LAMA2: variants seen among roughly 807,000 people sequenced by gnomAD.
LAMA2 encodes the protein laminin subunit alpha-2.
LAMA2 carries 269 observed loss-of-function variants against 364.8 expected under a neutral mutation model. The observed-to-expected ratio is 0.74, with a 90% CI of 0.67 to 0.82. The LOEUF (loss-of-function observed/expected upper bound fraction) is 0.82, where lower values mean the gene tolerates loss of function less well. Ranked by LOEUF, LAMA2 falls within the 40% of genes least tolerant of loss-of-function variation. The pLI, the probability that LAMA2 is intolerant of heterozygous loss-of-function variation, is 0.00. For synonymous variants in LAMA2, 1,379 were observed against 1,370.6 expected (o/e 1.01, Z -0.14); for missense variants, 3,807 against 3,873.2 (o/e 0.98, Z 0.45).
intron 35 of LAMA2, among the ~76,000 whole-genome samples, chr6:129,384,474 A>G (rs975597294): frequency 1.3e-5 from 2 of 152,174 alleles, no homozygotes; most frequent in African/African-American, 4.8e-5. Flanking sequence ...TCAATCAAAC[A>G]CTGGTATGAG....
intron 1 of LAMA2, among the ~76,000 whole-genome samples, chr6:128,951,914 C>T (rs1384110681): frequency 6.6e-6 from 1 of 152,204 alleles, no homozygotes; most frequent in African/African-American, 2.4e-5. Context: ...GTGGTAATCA[C>T]AGCACTTTGG....
intron 32 of LAMA2, among the ~76,000 whole-genome samples, chr6:129,360,867 G>T (rs913130348): frequency 1.3e-5 from 2 of 152,052 alleles, no homozygotes; most frequent in Non-Finnish European, 2.9e-5. Context: ...CTCTAGTTCT[G>T]CATTCTGGTC....
chr6:129,364,987 T>A (rs1777679639), intron 32 of LAMA2, among the ~76,000 whole-genome samples: 1 of 152,134 alleles, frequency 6.6e-6, no homozygotes, highest in Non-Finnish European at 1.5e-5. Flanking sequence ...AACTCTGTCA[T>A]GAGAACATCA....
At chr6:129,221,450 A>C (rs374731666) in intron 12 of LAMA2, among the ~76,000 whole-genome samples, 162 of 152,026 alleles carry the variant, frequency 1.1e-3, no homozygotes, top group African/African-American at 3.6e-3. Flanking sequence ...AGAAACAGAG[A>C]AACATATACA....
At chr6:128,961,354 T>TATATATATTATATATATATATATATA (rs1562873130) in intron 1 of LAMA2, among the ~76,000 whole-genome samples, 26 of 77,606 alleles carry the variant, frequency 3.4e-4, no homozygotes, top group African/African-American at 1.1e-3. Context: ...TATATATATA[T>TATATATATTATATATATATATATATA]ATATATATAT....
At chr6:129,428,690 C>T (rs1017680646) in intron 41 of LAMA2, among the ~76,000 whole-genome samples, 5 of 152,138 alleles carry the variant, frequency 3.3e-5, no homozygotes, top group Non-Finnish European at 7.4e-5. Context: ...AGTGATCCTC[C>T]CGCCTCGGCC....
chr6:129,440,021 C>T (rs549608447), intron 42 of LAMA2, among the ~76,000 whole-genome samples: 2 of 152,116 alleles, frequency 1.3e-5, no homozygotes, highest in South Asian at 2.1e-4. Flanking sequence ...TAACACTTAA[C>T]ATCAGTTAAG....
intron 1 of LAMA2, among the ~76,000 whole-genome samples, chr6:128,903,342 A>T (rs1453993474): frequency 2.0e-5 from 3 of 152,186 alleles, no homozygotes; most frequent in Non-Finnish European, 1.5e-5. Context: ...GTAGAATTAC[A>T]GATCTTAGTG....
chr6:129,033,361 G>C (rs1390121766), intron 1 of LAMA2, among the ~76,000 whole-genome samples: 1 of 152,130 alleles, frequency 6.6e-6, no homozygotes, highest in Non-Finnish European at 1.5e-5. Context: ...TTGTCAAGCT[G>C]TCCTTAAGGA....
chr6:128,993,527 C>T (rs1353108920), intron 1 of LAMA2, among the ~76,000 whole-genome samples: 1 of 152,148 alleles, frequency 6.6e-6, no homozygotes, highest in Non-Finnish European at 1.5e-5. Context: ...TCAGTATATA[C>T]ATGAAAGACA....
intron 4 of LAMA2, among the ~76,000 whole-genome samples, chr6:129,124,293 G>C (rs1057450081): frequency 6.6e-6 from 1 of 152,210 alleles, no homozygotes; most frequent in African/African-American, 2.4e-5. Flanking sequence ...TGTTTGTAAA[G>C]TGAACAGCCT....
chr6:129,356,744 T>C (rs995955077), intron 32 of LAMA2, among the ~76,000 whole-genome samples: 2 of 152,068 alleles, frequency 1.3e-5, no homozygotes, highest in African/African-American at 2.4e-5. Flanking sequence ...AAAATAAATA[T>C]AAAACGAGCT....
intron 4 of LAMA2, among the ~76,000 whole-genome samples, chr6:129,122,093 A>G (rs567945710): frequency 9.1e-4 from 138 of 152,360 alleles, no homozygotes; most frequent in Admixed American, 2.1e-3. Flanking sequence ...CAAGTTTTTT[A>G]AACTGATTTA....
At chr6:128,892,477 CTTCT>C (rs1439525869) in intron 1 of LAMA2, among the ~76,000 whole-genome samples, 1 of 151,832 alleles carries the variant, frequency 6.6e-6, no homozygotes, top group Non-Finnish European at 1.5e-5. Flanking sequence ...TTTTTAAAAA[CTTCT>C]TTAATACTTA....
chr6:129,253,844 G>C (rs1786437054), intron 14 of LAMA2, among the ~76,000 whole-genome samples: 1 of 152,160 alleles, frequency 6.6e-6, no homozygotes, highest in Admixed American at 6.5e-5. Flanking sequence ...CATACAGGAG[G>C]AATGCATTCA....
chr6:129,272,158 C>T (rs970351711), intron 17 of LAMA2, among the ~76,000 whole-genome samples: 13 of 152,204 alleles, frequency 8.5e-5, no homozygotes, highest in African/African-American at 3.1e-4. Flanking sequence ...TCAACTATAA[C>T]TCAGTAAGGT....
At chr6:129,144,832 A>G (rs1394553946) in intron 5 of LAMA2, among the ~76,000 whole-genome samples, 1 of 152,022 alleles carries the variant, frequency 6.6e-6, no homozygotes, top group African/African-American at 2.4e-5. Context: ...TTTGAACACA[A>G]GAGCTAACAG....
intron 12 of LAMA2, among the ~76,000 whole-genome samples, chr6:129,220,718 A>C (rs976594547): frequency 6.6e-6 from 1 of 152,224 alleles, no homozygotes; most frequent in Non-Finnish European, 1.5e-5. Context: ...GCCAAATTTC[A>C]CCAAGAACCT....
intron 22 of LAMA2, among the ~76,000 whole-genome samples, chr6:129,310,090 G>A (rs1215526652): frequency 1.3e-5 from 2 of 151,394 alleles, no homozygotes; most frequent in African/African-American, 2.4e-5. Flanking sequence ...TAGTAGAGAC[G>A]GGGTTTCACC....
Sources: allele counts gnomAD v4.1 joint callset (sites outside exome capture counted in the v4.1 genomes callset), GRCh38; gene constraint gnomAD v4.1.1; transcripts MANE v1.5; gene names NCBI Gene and HGNC (gene_info 2026-07-23, HGNC 2026-07-21).